LGSN: variants seen among roughly 807,000 people sequenced by gnomAD.
The protein encoded by LGSN is lengsin.
In LGSN, 21 loss-of-function variants were observed where a neutral mutation model predicts 19.5. The ratio of observed to expected loss-of-function variants is 1.07; its 90% CI spans 0.76 to 1.55. The LOEUF is 1.55. Among genes scored for constraint, LGSN ranks in the 40% most tolerant of loss-of-function variants. The pLI, the probability that LGSN is intolerant of heterozygous loss-of-function variation, is 0.00. For missense variants in LGSN, 673 were observed against 608.5 expected (o/e 1.11, Z -1.12); for synonymous variants, 257 against 215.6 (o/e 1.19, Z -1.68).
the LGSN span, among the ~76,000 whole-genome samples, chr6:63,560,562 A>G: frequency 6.6e-6 from 1 of 151,658 alleles, no homozygotes; most frequent in Non-Finnish European, 1.5e-5. Context: ...ACCATGGCCC[A>G]CTAATCTGTG....
chr6:63,351,223 C>G, the LGSN span, among the ~76,000 whole-genome samples: 2 of 152,156 alleles, frequency 1.3e-5, no homozygotes, highest in African/African-American at 4.8e-5. Context: ...CTACCAGTGT[C>G]TTGTTCTGGG....
chr6:63,283,329 G>A (rs1055136597), intron 3 of LGSN, among the ~76,000 whole-genome samples: 3 of 151,894 alleles, frequency 2.0e-5, no homozygotes, highest in African/African-American at 7.3e-5. Flanking sequence ...GATCACTATG[G>A]ACCCAATAAA....
chr6:63,473,604 G>C, the LGSN span, among the ~76,000 whole-genome samples: 153 of 151,818 alleles, frequency 1.0e-3, 3 homozygotes, highest in East Asian at 0.024. Flanking sequence ...TTGTCTGGAG[G>C]AAGTGTATTT....
chr6:63,374,264 AT>A, the LGSN span, among the ~76,000 whole-genome samples: 1 of 152,152 alleles, frequency 6.6e-6, no homozygotes, highest in African/African-American at 2.4e-5. Flanking sequence ...TATTTGCATC[AT>A]TTTTTTCTGA....
At chr6:63,457,925 T>A in the LGSN span, among the ~76,000 whole-genome samples, 3 of 152,288 alleles carry the variant, frequency 2.0e-5, no homozygotes, top group South Asian at 4.1e-4. Flanking sequence ...AAATCAGATT[T>A]AACTAATACT....
At chr6:63,284,145 A>T (rs1221326077) in intron 3 of LGSN, among the ~76,000 whole-genome samples, 1 of 152,234 alleles carries the variant, frequency 6.6e-6, no homozygotes, top group Non-Finnish European at 1.5e-5. Context: ...TTCTTAAAAA[A>T]ATATAGATAC....
rs181529157 is a variant in LGSN at position 63,312,602 on chromosome 6, G to T, written c.30+7312C>A. Among the ~76,000 whole-genome samples the T allele has an allele frequency of 1.1e-3, 168 of 152,194 alleles. 2 individuals are homozygous for T. Among genetic ancestry groups the T allele is most frequent in the African/African-American group, 3.7e-3 (154 of 41,534 alleles). On this transcript the variant is annotated intron_variant, in intron 1 of 3. Transcript: ENST00000370657. ...TAATTACTTTAGTCCCAGGCATTAT[G>T]ATCTCTTAAGTGCCAAGTATACATT...
chr6:63,458,403 G>A, the LGSN span, among the ~76,000 whole-genome samples: 30 of 152,188 alleles, frequency 2.0e-4, no homozygotes, highest in Admixed American at 6.5e-4. Context: ...ATATATTAGC[G>A]TTGGAAACAA....
the LGSN span, among the ~76,000 whole-genome samples, chr6:63,412,472 G>GA: frequency 8.6e-4 from 80 of 93,158 alleles, 1 homozygote; most frequent in African/African-American, 4.3e-3. Flanking sequence ...GAAAAAGAGA[G>GA]AGAAGAAAGA....
the LGSN span, among the ~76,000 whole-genome samples, chr6:63,504,091 AT>A: frequency 2.6e-5 from 4 of 151,870 alleles, no homozygotes; most frequent in African/African-American, 7.3e-5. Flanking sequence ...ATCCTTAACC[AT>A]TTTTTTTATA....
At chr6:63,363,741 G>A in the LGSN span, among the ~76,000 whole-genome samples, 101 of 152,324 alleles carry the variant, frequency 6.6e-4, 1 homozygote, top group African/African-American at 2.3e-3. Context: ...ACCTGAAAGT[G>A]ATGGGGAGAA....
chr6:63,423,528 G>A, the LGSN span, among the ~76,000 whole-genome samples: 2 of 150,978 alleles, frequency 1.3e-5, no homozygotes, highest in African/African-American at 4.9e-5. Flanking sequence ...GGAGGCTGAG[G>A]TGGGAGGATC....
At chr6:63,330,664 T>C in the LGSN span, among the ~76,000 whole-genome samples, 1 of 152,142 alleles carries the variant, frequency 6.6e-6, no homozygotes, top group Admixed American at 6.5e-5. Context: ...AGAACACAAG[T>C]CAACAGATGT....
chr6:63,373,216 G>A, the LGSN span, among the ~76,000 whole-genome samples: 2 of 152,130 alleles, frequency 1.3e-5, no homozygotes, highest in Non-Finnish European at 2.9e-5. Flanking sequence ...TTAGAAGAGT[G>A]CTCAATTAAG....
chr6:63,325,301 C>A, the LGSN span, among the ~76,000 whole-genome samples: 1 of 151,960 alleles, frequency 6.6e-6, no homozygotes, highest in East Asian at 1.9e-4. Context: ...AAAGGTTCAA[C>A]CAAACACATT....
the LGSN span, among the ~76,000 whole-genome samples, chr6:63,358,683 G>T: frequency 5.3e-5 from 8 of 152,200 alleles, no homozygotes; most frequent in Non-Finnish European, 7.3e-5. Context: ...CATTGATTTT[G>T]TATGCTGAGA....
chr6:63,513,772 G>T, the LGSN span, among the ~76,000 whole-genome samples: 1 of 151,912 alleles, frequency 6.6e-6, no homozygotes, highest in African/African-American at 2.4e-5. Flanking sequence ...TTAGCTGGGT[G>T]TGGAGGCGGG....
the LGSN span, among the ~76,000 whole-genome samples, chr6:63,386,467 T>G: frequency 4.6e-5 from 7 of 152,204 alleles, no homozygotes; most frequent in African/African-American, 1.7e-4. Context: ...TATCTGATTC[T>G]CTGATCCTAT....
the LGSN span, among the ~76,000 whole-genome samples, chr6:63,539,042 G>A: frequency 1.1e-4 from 16 of 152,042 alleles, no homozygotes; most frequent in South Asian, 8.3e-4. Flanking sequence ...ACAGGTGTGC[G>A]CCACCATACC....
Sources: allele counts gnomAD v4.1 joint callset (sites outside exome capture counted in the v4.1 genomes callset), GRCh38; gene constraint gnomAD v4.1.1; transcripts MANE v1.5; gene names NCBI Gene and HGNC (gene_info 2026-07-23, HGNC 2026-07-21).